Variants in FAM204A observed in about 807,000 individuals in gnomAD.
FAM204A encodes protein FAM204A.
Under a neutral mutation model 35.4 loss-of-function variants are expected in FAM204A, and 16 were observed. The ratio of observed to expected loss-of-function variants is 0.45; its 90% confidence interval spans 0.31 to 0.69. FAM204A has a LOEUF of 0.69. Among genes scored for constraint, FAM204A ranks in the 30% least tolerant of loss-of-function variants. FAM204A has a pLI of 0.07. For synonymous variants in FAM204A, 76 were observed against 86.9 expected (o/e 0.88, Z 0.70); for missense variants, 240 against 265.7 (o/e 0.90, Z 0.67).
chr10:118,336,320 T>G lies in FAM204A; in HGVS notation c.96A>C (p.Leu32Phe). 1 of 1,614,038 alleles carries G rather than the reference T, an allele frequency of 6.2e-7. No homozygotes were observed. Among genetic ancestry groups the G allele is most frequent in the African/African-American group, 1.3e-5 (1 of 75,054 alleles). ...EATLENSGLN[L>F]QEDKEDESIR... ...TGCTCTCATCCTCTTTATCTTCCTGTAAGTTAAGTCCAGAGTTCTCCAACG... is the reference window on the plus strand; with the variant it reads ...TGCTCTCATCCTCTTTATCTTCCTGGAAGTTAAGTCCAGAGTTCTCCAACG... The change falls in exon 3 of 9, where the codon TTA becomes TTC. Residue 32 changes from leucine to phenylalanine, a missense_variant. By Grantham distance (22) the Leu-to-Phe change is conservative. This residue lies in a region of FAM204A where 232 missense variants were observed against 242.8 expected (regional missense o/e 0.96). Transcript: ENST00000369183.
At chr10:118,315,819 C>T (rs1589720691) in intron 7 of FAM204A, among the ~76,000 whole-genome samples, 1 of 152,042 alleles carries the variant, frequency 6.6e-6, no homozygotes. Flanking sequence ...TTCTGGGAGC[C>T]GAACATGGTG....
chr10:118,325,688 T>C (rs1018830069), intron 7 of FAM204A, among the ~76,000 whole-genome samples: 3 of 151,988 alleles, frequency 2.0e-5, no homozygotes, highest in African/African-American at 4.8e-5. Flanking sequence ...TTTTATACTA[T>C]AGAAAAAAAG....
intron 6 of FAM204A, among the ~76,000 whole-genome samples, chr10:118,332,256 G>A (rs747463656): frequency 6.6e-6 from 1 of 150,812 alleles, no homozygotes; most frequent in Non-Finnish European, 1.5e-5. Flanking sequence ...AATGACTTGG[G>A]TTTAAAGTCT....
At chr10:118,325,435 G>A (rs1846183356) in intron 7 of FAM204A, among the ~76,000 whole-genome samples, 3 of 152,010 alleles carry the variant, frequency 2.0e-5, no homozygotes, top group African/African-American at 7.2e-5. Flanking sequence ...TGAGGTGAAG[G>A]AGGGAAGGAT....
chr10:118,324,690 G>GAATGGGTACAGAGGTT (rs1196523900), intron 7 of FAM204A, among the ~76,000 whole-genome samples: 2 of 152,126 alleles, frequency 1.3e-5, no homozygotes, highest in African/African-American at 2.4e-5. Context: ...GTGGAGGGGA[G>GAATGGGTACAGAGGTT]AATGGGTACA....
intron 6 of FAM204A, among the ~76,000 whole-genome samples, chr10:118,330,389 T>TC (rs1339403910): frequency 6.6e-6 from 1 of 152,008 alleles, no homozygotes; most frequent in Non-Finnish European, 1.5e-5. Flanking sequence ...GCCTGTCCAT[T>TC]CCCCCAGCCA....
At position 118,310,882 on chromosome 10, in the gene FAM204A, G is replaced by C; in HGVS notation, c.677C>G (p.Thr226Ser). Residue 226 changes from threonine to serine, a missense_variant, in exon 9 of 9, where the codon ACC (threonine) becomes AGC (serine). Thr to Ser is a moderately conservative substitution (Grantham distance 58). Coordinates refer to ENST00000369183, the MANE Select transcript of FAM204A (RefSeq NM_022063.3). ...TTACATGTATCCCATGTTGCTTTTG[G>C]TTTCCCATCTCTTCTTTGCTTCAAA... ...WGFEAKKRWE[T>S]KSNMGYM The C allele has an allele frequency of 6.2e-7, 1 of 1,602,296 alleles. No homozygotes were observed.
intron 6 of FAM204A, among the ~76,000 whole-genome samples, chr10:118,329,037 C>T (rs1343989642): frequency 6.6e-6 from 1 of 152,148 alleles, no homozygotes; most frequent in African/African-American, 2.4e-5. Flanking sequence ...ACACTGAAGG[C>T]CTACAAAGGC....
intron 2 of FAM204A, among the ~76,000 whole-genome samples, chr10:118,341,052 A>G (rs971682054): frequency 4.6e-5 from 7 of 152,224 alleles, no homozygotes; most frequent in African/African-American, 1.7e-4. Context: ...GAGTACAGAA[A>G]GCTATGCAAG....
At position 118,311,237 on chromosome 10, in the gene FAM204A, G is replaced by T; in HGVS notation, c.620C>A (p.Ala207Asp). Reference protein sequence around the residue: ...KAKKEVENSQAARKKKKLAWG... With the variant: ...KAKKEVENSQDARKKKKLAWG... ...TGCAAGTTTCTTCTTTTTTCGGGCA[G>T]CCTGTGAATTTTCAACCTCCTTTTT... Residue 207 changes from alanine to aspartate, a missense_variant, in exon 8 of 9, where the codon GCT becomes GAT. Around this residue, in one of 2 missense-constraint regions of FAM204A, gnomAD observed 232 missense variants for 242.8 expected, o/e 0.96. Coordinates refer to ENST00000369183, the MANE Select transcript of FAM204A (RefSeq NM_022063.3). 1 of 1,610,846 alleles carries T rather than the reference G, an allele frequency of 6.2e-7. No homozygotes were observed. Among genetic ancestry groups the T allele is most frequent in the Middle Eastern group, 1.7e-4 (1 of 5,804 alleles).
In FAM204A at chr10:118,309,100, TG is replaced by T. The variant is rs1234900471; in HGVS notation, c.*1756del. 1.3e-5 allele frequency: 2 copies of T among 152,212 alleles called. No homozygotes were observed. The highest frequency in any genetic ancestry group is 4.8e-5 in the African/African-American group (2 of 41,434). 9.4% of individuals were successfully genotyped at this position (152,212 alleles called of 1,614,324 possible). On this transcript the variant is annotated 3_prime_UTR_variant, in exon 9 of 9. Transcript: ENST00000369183. Reference sequence around the variant, plus strand: ...ATTTACCTAATTTAGCAGTTTGAAATGAATATTGTAGGTAAGTTTTACATGA... The same window carrying T: ...ATTTACCTAATTTAGCAGTTTGAAATAATATTGTAGGTAAGTTTTACATGA...
At chr10:118,321,559 T>C (rs1846116221) in intron 7 of FAM204A, among the ~76,000 whole-genome samples, 1 of 151,916 alleles carries the variant, frequency 6.6e-6, no homozygotes, top group Non-Finnish European at 1.5e-5. Context: ...ATATAAAAAG[T>C]ACAATGAGAA....
Position 118,300,127 on chromosome 10 carries a change from TCC to T in FAM204A, c.*10728_*10729del, listed in dbSNP as rs1189010310. ...CTAGAATGGAAGTGTTTAAGCAGGG[TCC>T]TCTAGAAGGAAAAGTTCAGGTGGTT... On this transcript the variant is annotated 3_prime_UTR_variant, in exon 9 of 9. Coordinates refer to ENST00000369183, the MANE Select transcript of FAM204A (RefSeq NM_022063.3). 6.6e-6 allele frequency: 1 copy of T among 152,080 alleles called. No homozygotes were observed. The highest frequency in any genetic ancestry group is 1.5e-5 in the Non-Finnish European group (1 of 68,040). 9.4% of individuals were successfully genotyped at this position (152,080 alleles called of 1,614,324 possible). A position where few individuals can be genotyped will look rare whatever the true frequency, so the allele number is the denominator to read the frequency against.
rs1564764061 is a variant in FAM204A at position 118,335,641 on chromosome 10, T to C, written c.235A>G (p.Lys79Glu). The change falls in exon 4 of 9, where the codon AAA becomes GAA. Residue 79 changes from lysine (K) to glutamate (E), a missense_variant and splice_region_variant. This residue lies in a region of FAM204A where 232 missense variants were observed against 242.8 expected (regional missense o/e 0.96). Transcript: ENST00000369183. Reference sequence around the variant, plus strand: ...TGTTTTTTATGCAATTCTTGAAATTTCTATGTAAAAGAAAAAAAAATTGAG... The same window carrying C: ...TGTTTTTTATGCAATTCTTGAAATTCCTATGTAAAAGAAAAAAAAATTGAG... Reference protein sequence around the residue: ...PSGIPIDMWNKFQELHKKHSE... With the variant: ...PSGIPIDMWNEFQELHKKHSE... The C allele has an allele frequency of 6.3e-7, 1 of 1,597,368 alleles. No individual in the cohort carries two copies. Among genetic ancestry groups the C allele is most frequent in the Non-Finnish European group, 8.5e-7 (1 of 1,174,946 alleles).
intron 2 of FAM204A, among the ~76,000 whole-genome samples, chr10:118,338,015 T>C (rs923604664): frequency 3.3e-5 from 5 of 152,170 alleles, no homozygotes; most frequent in African/African-American, 9.7e-5. Context: ...ATAACAAATG[T>C]TAGTGTTTGG....
chr10:118,325,844 AAC>A (rs1468149314), intron 7 of FAM204A, among the ~76,000 whole-genome samples: 2 of 152,124 alleles, frequency 1.3e-5, no homozygotes, highest in Non-Finnish European at 2.9e-5. Context: ...TAAAGATGCA[AAC>A]GGAAAAGAAA....
At position 118,310,409 on chromosome 10, in the gene FAM204A, C is replaced by T. The variant is rs1292223215; in HGVS notation, c.*448G>A. ...CTGAGGCATGAGAATCACTTGAACC[C>T]AGGAAGCAGTGGTTGCAGTGAGCCA... On this transcript the variant is annotated 3_prime_UTR_variant, in exon 9 of 9. Transcript: ENST00000369183. The T allele has an allele frequency of 6.5e-6, 1 of 152,954 alleles. No homozygotes were observed. Among genetic ancestry groups the T allele is most frequent in the African/African-American group, 2.4e-5 (1 of 41,010 alleles). 9.5% of individuals were successfully genotyped at this position (152,954 alleles called of 1,614,324 possible). A position where few individuals can be genotyped will look rare whatever the true frequency, so the allele number is the denominator to read the frequency against.
intron 7 of FAM204A, among the ~76,000 whole-genome samples, chr10:118,324,910 C>T (rs1271606290): frequency 1.3e-5 from 2 of 152,018 alleles, no homozygotes; most frequent in Non-Finnish European, 1.5e-5. Context: ...ATATAACTGC[C>T]ATTTATGTTA....
At chr10:118,341,612 T>C (rs937219983) in intron 2 of FAM204A, 115 bp downstream of exon 2, 1 of 152,188 alleles carries the variant, frequency 6.6e-6, no homozygotes, top group Non-Finnish European at 1.5e-5. Context: ...GAGTGTTCGT[T>C]TACTTGAGGC....
Sources: allele counts gnomAD v4.1 joint callset (sites outside exome capture counted in the v4.1 genomes callset), GRCh38; gene constraint gnomAD v4.1.1; regional missense constraint gnomAD v4.1.1; transcripts MANE v1.5; gene names NCBI Gene and HGNC (gene_info 2026-07-23, HGNC 2026-07-21).